The following ZSWIM5 variants were observed in gnomAD, a reference collection of about 807,000 sequenced individuals.
The protein encoded by ZSWIM5 is zinc finger SWIM-type containing 5.
A neutral mutation model predicts 119.6 loss-of-function variants in ZSWIM5; 55 were observed. The observed-to-expected ratio is 0.46, with a 90% CI of 0.37 to 0.58. The LOEUF is 0.58. ZSWIM5 is among the 20% of genes least tolerant of loss of function. The probability of loss-of-function intolerance (pLI) is 0.00; values close to 1 mark genes in which losing one functional copy is unlikely to be tolerated. For missense variants in ZSWIM5, 1,193 were observed against 1,512.8 expected, an observed-to-expected ratio of 0.79 and a Z score of 3.51; for synonymous variants, 537 against 606.9, an observed-to-expected ratio of 0.88 and a Z score of 1.69.
chr1:45,135,321 A>G (rs530592130), intron 1 of ZSWIM5, among the ~76,000 whole-genome samples: 242 of 152,264 alleles, frequency 1.6e-3, no homozygotes, highest in Middle Eastern at 3.4e-3. Context: ...TCTGTTTTGC[A>G]AGATGAAAAA....
intron 1 of ZSWIM5, among the ~76,000 whole-genome samples, chr1:45,184,974 G>A (rs2149050612): frequency 6.6e-6 from 1 of 152,250 alleles, no homozygotes; most frequent in Admixed American, 6.5e-5. Flanking sequence ...AAAGCTGGAG[G>A]CATCATGCTA....
intron 2 of ZSWIM5, among the ~76,000 whole-genome samples, chr1:45,081,123 C>T (rs916073446): frequency 1.3e-5 from 2 of 152,080 alleles, no homozygotes; most frequent in Non-Finnish European, 2.9e-5. Context: ...TAGCAGGGAA[C>T]AGAAATATGA....
At chr1:45,193,377 A>G (rs571018649) in intron 1 of ZSWIM5, among the ~76,000 whole-genome samples, 1 of 152,174 alleles carries the variant, frequency 6.6e-6, no homozygotes, top group Non-Finnish European at 1.5e-5. Flanking sequence ...AATAAATTAG[A>G]TTGTAAATTA....
intron 1 of ZSWIM5, among the ~76,000 whole-genome samples, chr1:45,185,384 G>C (rs1237290777): frequency 6.6e-6 from 1 of 151,570 alleles, no homozygotes; most frequent in Non-Finnish European, 1.5e-5. Flanking sequence ...GGCAACAAAA[G>C]CCAAAATTGA....
At chr1:45,195,919 G>A (rs1010843175) in intron 1 of ZSWIM5, among the ~76,000 whole-genome samples, 3 of 148,588 alleles carry the variant, frequency 2.0e-5, no homozygotes, top group Admixed American at 6.7e-5. Context: ...CTACGCTGGA[G>A]AGCAGTGACG....
chr1:45,169,101 G>C (rs148750015), intron 1 of ZSWIM5, among the ~76,000 whole-genome samples: 3 of 151,930 alleles, frequency 2.0e-5, no homozygotes, highest in Non-Finnish European at 4.4e-5. Context: ...TCATAAACAG[G>C]CTCATCTTTC....
intron 2 of ZSWIM5, among the ~76,000 whole-genome samples, chr1:45,077,359 A>G (rs1226131753): frequency 1.3e-5 from 2 of 152,134 alleles, no homozygotes; most frequent in Non-Finnish European, 2.9e-5. Flanking sequence ...CGTCTGGGGG[A>G]GATATCACAC....
chr1:45,115,828 A>G (rs1326218328), intron 1 of ZSWIM5, among the ~76,000 whole-genome samples: 49 of 128,250 alleles, frequency 3.8e-4, no homozygotes, highest in South Asian at 7.7e-4. Context: ...AGGCAGAGAC[A>G]CTCCTCACTT....
At chr1:45,069,550 G>A (rs1042827076) in intron 2 of ZSWIM5, among the ~76,000 whole-genome samples, 1 of 151,952 alleles carries the variant, frequency 6.6e-6, no homozygotes, top group African/African-American at 2.4e-5. Flanking sequence ...GTTAAACACT[G>A]GAATTTGAGG....
intron 5 of ZSWIM5, among the ~76,000 whole-genome samples, chr1:45,050,026 CCTT>C (rs1292553451): frequency 6.6e-6 from 1 of 152,106 alleles, no homozygotes; most frequent in Non-Finnish European, 1.5e-5. Flanking sequence ...ATGATTTCCT[CCTT>C]GAGACTGAAA....
chr1:45,194,762 A>G (rs1646112415), intron 1 of ZSWIM5, among the ~76,000 whole-genome samples: 1 of 152,082 alleles, frequency 6.6e-6, no homozygotes, highest in East Asian at 1.9e-4. Flanking sequence ...CTGTAGTCCC[A>G]GCTACTCGGG....
chr1:45,157,863 G>A (rs1398444692), intron 1 of ZSWIM5, among the ~76,000 whole-genome samples: 1 of 152,072 alleles, frequency 6.6e-6, no homozygotes, highest in East Asian at 1.9e-4. Flanking sequence ...AGTAATTATG[G>A]TGGGAATGTA....
chr1:45,138,997 T>C (rs1003488803), intron 1 of ZSWIM5, among the ~76,000 whole-genome samples: 1 of 151,630 alleles, frequency 6.6e-6, no homozygotes, highest in African/African-American at 2.4e-5. Flanking sequence ...GTTTAAGTGA[T>C]TTTCCAGCCT....
chr1:45,055,418 G>A (rs539888554), intron 4 of ZSWIM5, among the ~76,000 whole-genome samples: 12 of 152,296 alleles, frequency 7.9e-5, no homozygotes, highest in Admixed American at 2.0e-4. Flanking sequence ...GAGAAACCGT[G>A]CCTGGCCATT....
At chr1:45,090,063 C>G (rs1645356157) in intron 1 of ZSWIM5, among the ~76,000 whole-genome samples, 1 of 152,186 alleles carries the variant, frequency 6.6e-6, no homozygotes, top group Admixed American at 6.5e-5. Flanking sequence ...TCAGAGCCAT[C>G]ATTGTGACCT....
At chr1:45,150,426 A>C (rs1645789791) in intron 1 of ZSWIM5, among the ~76,000 whole-genome samples, 1 of 152,162 alleles carries the variant, frequency 6.6e-6, no homozygotes, top group African/African-American at 2.4e-5. Flanking sequence ...TGTGGAAAAC[A>C]GTTTGCCAGT....
intron 1 of ZSWIM5, among the ~76,000 whole-genome samples, chr1:45,094,036 T>G (rs1433430875): frequency 7.4e-6 from 1 of 134,578 alleles, no homozygotes; most frequent in African/African-American, 2.9e-5. Context: ...TTTATTTATT[T>G]ATTTATTTAT....
At chr1:45,196,654 T>G (rs1036780872) in intron 1 of ZSWIM5, among the ~76,000 whole-genome samples, 6 of 151,012 alleles carry the variant, frequency 4.0e-5, no homozygotes, top group African/African-American at 1.5e-4. Context: ...CCTCCCAAAG[T>G]GCTGGGATTA....
intron 1 of ZSWIM5, among the ~76,000 whole-genome samples, chr1:45,172,397 G>A (rs558239634): frequency 1.3e-5 from 2 of 152,208 alleles, no homozygotes; most frequent in East Asian, 3.9e-4. Context: ...AACCAAATTA[G>A]CAGTGCAGAT....
Sources: gnomAD v4.1 joint callset for allele counts (sites outside exome capture counted in the v4.1 genomes callset) on GRCh38, gnomAD v4.1.1 for gene constraint, MANE v1.5 for transcripts, NCBI Gene and HGNC (gene_info 2026-07-23, HGNC 2026-07-21) for gene names.